TRIO: variants seen among roughly 807,000 people sequenced by gnomAD.
TRIO encodes the protein trio Rho guanine nucleotide exchange factor.
A neutral mutation model predicts 351.9 loss-of-function variants in TRIO; 58 were observed. The ratio of observed to expected loss-of-function variants is 0.16; its 90% CI spans 0.13 to 0.21. TRIO has a LOEUF of 0.21. Among genes scored for constraint, TRIO ranks in the 10% least tolerant of loss-of-function variants. The pLI is 1.00. For missense variants in TRIO, 3,201 were observed against 4,027.8 expected, an observed-to-expected ratio of 0.79 and a Z score of 5.56; for synonymous variants, 1,758 against 1,595.7, an observed-to-expected ratio of 1.10 and a Z score of -2.42.
At chr5:14,267,910 T>C (rs1001413600) in intron 1 of TRIO, among the ~76,000 whole-genome samples, 1 of 152,240 alleles carries the variant, frequency 6.6e-6, no homozygotes, top group African/African-American at 2.4e-5. Context: ...TAATTGATGG[T>C]TTAAATAAAA....
chr5:14,266,005 T>G (rs1224830514), intron 1 of TRIO, among the ~76,000 whole-genome samples: 2 of 152,180 alleles, frequency 1.3e-5, no homozygotes, highest in African/African-American at 4.8e-5. Context: ...AATATATTTA[T>G]TTGTTGGTTG....
At chr5:14,304,698 A>G in intron 8 of TRIO, 106 bp downstream of exon 8, 1 of 1,333,388 alleles carries the variant, frequency 7.5e-7, no homozygotes. Context: ...AAAAGTTTAT[A>G]GATTTCGAGT....
intron 11 of TRIO, among the ~76,000 whole-genome samples, chr5:14,351,790 C>G (rs1743151310): frequency 6.6e-6 from 1 of 152,228 alleles, no homozygotes; most frequent in African/African-American, 2.4e-5. Flanking sequence ...TGGGTTCAAA[C>G]TGCATCAGCT....
chr5:14,198,401 A>G (rs1790903786), intron 1 of TRIO, among the ~76,000 whole-genome samples: 2 of 152,190 alleles, frequency 1.3e-5, no homozygotes, highest in Admixed American at 6.5e-5. Flanking sequence ...CTAAGTATAC[A>G]ATCAGAGTTT....
intron 34 of TRIO, among the ~76,000 whole-genome samples, chr5:14,455,765 C>A (rs1437214512): frequency 6.6e-6 from 1 of 152,272 alleles, no homozygotes; most frequent in Non-Finnish European, 1.5e-5. Context: ...GGTACATTTA[C>A]AATCCTCCAG....
chr5:14,258,045 C>T (rs1005171667), intron 1 of TRIO, among the ~76,000 whole-genome samples: 5 of 152,148 alleles, frequency 3.3e-5, no homozygotes, highest in Non-Finnish European at 5.9e-5. Flanking sequence ...CAGTCACCCC[C>T]CCTGGGAGGT....
chr5:14,410,495 G>A (rs563915277), intron 33 of TRIO, among the ~76,000 whole-genome samples: 10 of 152,182 alleles, frequency 6.6e-5, no homozygotes, highest in Non-Finnish European at 1.3e-4. Context: ...CCTGAGTCTC[G>A]AAGTTCTTTC....
intron 1 of TRIO, among the ~76,000 whole-genome samples, chr5:14,208,396 G>T (rs557726920): frequency 6.6e-6 from 1 of 152,318 alleles, no homozygotes; most frequent in South Asian, 2.1e-4. Flanking sequence ...CTAAGTGAAA[G>T]AAGCCAGACA....
At chr5:14,229,996 G>A (rs371641456) in intron 1 of TRIO, among the ~76,000 whole-genome samples, 1 of 152,176 alleles carries the variant, frequency 6.6e-6, no homozygotes, top group Non-Finnish European at 1.5e-5. Context: ...TGAAGGACTT[G>A]TGACCAGTCT....
At chr5:14,329,593 G>A (rs753791844) in intron 9 of TRIO, among the ~76,000 whole-genome samples, 1 of 152,232 alleles carries the variant, frequency 6.6e-6, no homozygotes, top group Non-Finnish European at 1.5e-5. Context: ...AAGGTGTTTT[G>A]TTAGAGCAGG....
At chr5:14,480,768 GT>G (rs1755455248) in intron 43 of TRIO, among the ~76,000 whole-genome samples, 1 of 152,124 alleles carries the variant, frequency 6.6e-6, no homozygotes, top group African/African-American at 2.4e-5. Context: ...TTTTTGTTGT[GT>G]TACTGAGAGA....
rs1756976369 is a variant in TRIO at position 14,497,424 on chromosome 5, A to G, written c.8019+407A>G. On this transcript the variant is annotated intron_variant, in intron 50 of 56. Coordinates refer to ENST00000344204, the MANE Select transcript of TRIO (RefSeq NM_007118.4). This position sits in a 1 kb window ranked among gnomAD's most constrained non-coding sequence, Gnocchi z 4.4. The stretch of plus-strand genomic sequence containing the variant: ...TGCATATGGGCTCTCTGGCTGTGAC[A>G]GATCCCCTTGGGGACAACTTCAGTC... 6.6e-6 allele frequency among the ~76,000 whole-genome samples: 1 copy of G among 152,218 alleles called. No homozygotes were observed. The highest frequency in any genetic ancestry group is 1.5e-5 in the Non-Finnish European group (1 of 68,034).
intron 48 of TRIO, among the ~76,000 whole-genome samples, chr5:14,490,328 G>T (rs1029170751): frequency 5.9e-5 from 9 of 152,190 alleles, no homozygotes; most frequent in Admixed American, 1.3e-4. Context: ...ATCTGCAAAG[G>T]CCTCCTTCCT....
intron 33 of TRIO, among the ~76,000 whole-genome samples, chr5:14,411,944 G>T (rs1210316977): frequency 6.6e-6 from 1 of 150,726 alleles, no homozygotes; most frequent in Non-Finnish European, 1.5e-5. Flanking sequence ...TTAGCACCGT[G>T]TTGGAGACAT....
Position 14,364,638 on chromosome 5 carries a change from T to A in TRIO, c.2588-12T>A, listed in dbSNP as rs146739260. 12,432 of 1,604,768 alleles carry A rather than the reference T, an allele frequency of 7.7e-3. 92 individuals are homozygous for A. The highest frequency in any genetic ancestry group is 0.025 in the Middle Eastern group (152 of 5,994). On this transcript the variant is annotated splice_polypyrimidine_tract_variant and intron_variant, in intron 14 of 56. Coordinates refer to ENST00000344204, the MANE Select transcript of TRIO (RefSeq NM_007118.4). ...CTAGCTGAATTCTAGGGTCTCCCTTTAATGTCCACAGGTGTGGAGCTGCTG... is the reference window on the plus strand; with the variant it reads ...CTAGCTGAATTCTAGGGTCTCCCTTAAATGTCCACAGGTGTGGAGCTGCTG...
chr5:14,381,933 A>G (rs191887407), intron 21 of TRIO, among the ~76,000 whole-genome samples: 4 of 152,228 alleles, frequency 2.6e-5, no homozygotes, highest in Admixed American at 2.0e-4. Context: ...TGTTGTCCCA[A>G]TTAAGGCTTA....
chr5:14,319,886 G>C (rs1739716810), intron 9 of TRIO, among the ~76,000 whole-genome samples: 1 of 152,180 alleles, frequency 6.6e-6, no homozygotes, highest in Non-Finnish European at 1.5e-5. Flanking sequence ...CTCTTAATAA[G>C]CGGGGGCCAA....
In TRIO at chr5:14,303,618, T is replaced by A. The variant is rs140790860; in HGVS notation, c.1369-843T>A. 5.3e-3 allele frequency among the ~76,000 whole-genome samples: 805 copies of A among 150,530 alleles called. 5 individuals are homozygous for A. Among genetic ancestry groups the A allele is most frequent in the African/African-American group, 0.018 (720 of 40,760 alleles). On this transcript the variant is annotated intron_variant, in intron 7 of 56. Coordinates refer to ENST00000344204, the MANE Select transcript of TRIO (RefSeq NM_007118.4). ...TTGGGATGGCAGCTGCAGGAATTGA[T>A]GATCCTGGAGATGGAGGGTGGCAGT...
At position 14,462,711 on chromosome 5, in the gene TRIO, G is replaced by A. The variant is rs774643428; in HGVS notation, c.5497-44G>A. The A allele has an allele frequency of 4.3e-6, 7 of 1,609,278 alleles. No homozygotes were observed. In the Admixed American group the frequency reaches 1.2e-4, roughly 27 times the overall value. ...CAAGTAACCCTTGGTCCACGTCTGT[G>A]AACTGGCCTGGAATATAATGAGCAA... On this transcript the variant is annotated intron_variant, in intron 35 of 56. Transcript: ENST00000344204.
Sources: allele counts gnomAD v4.1 joint callset (sites outside exome capture counted in the v4.1 genomes callset), GRCh38; gene constraint gnomAD v4.1.1; non-coding constraint Gnocchi (gnomAD v3.1); transcripts MANE v1.5; gene names NCBI Gene and HGNC (gene_info 2026-07-23, HGNC 2026-07-21).